The following INTS6 variants were observed in gnomAD, a reference collection of about 807,000 sequenced individuals.
INTS6 encodes DEAD box protein.
INTS6 carries 16 observed loss-of-function variants against 104.9 expected under a neutral mutation model. That is an observed-to-expected ratio of 0.15 (90% CI 0.10 to 0.23). The LOEUF is 0.23. Ranked by LOEUF, INTS6 falls within the 10% of genes least tolerant of loss-of-function variation. INTS6 has a pLI of 1.00. For missense variants in INTS6, 584 were observed against 1,062.8 expected (o/e 0.55, Z 6.26); for synonymous variants, 324 against 358.7 (o/e 0.90, Z 1.09).
chr13:51,441,504 T>C (rs1952796221), intron 3 of INTS6: 1 of 152,168 alleles, frequency 6.6e-6, no homozygotes. Flanking sequence ...TTCTGAATCT[T>C]AAGATATAAT....
intron 6 of INTS6, among the ~76,000 whole-genome samples, chr13:51,388,000 G>A (rs1035808441): frequency 4.6e-5 from 7 of 151,910 alleles, no homozygotes; most frequent in Admixed American, 6.6e-5. Context: ...CATTTTAACC[G>A]AAGCCTAAAA....
At chr13:51,431,399 G>C (rs1319546235) in intron 3 of INTS6, among the ~76,000 whole-genome samples, 1 of 152,072 alleles carries the variant, frequency 6.6e-6, no homozygotes, top group African/African-American at 2.4e-5. Flanking sequence ...TGCAATTTCT[G>C]ATTATGTCTG....
intron 10 of INTS6, among the ~76,000 whole-genome samples, chr13:51,381,701 G>GT (rs57189672): frequency 0.55 from 79,485 of 143,392 alleles, 21,908 homozygotes; most frequent in East Asian, 0.63. Flanking sequence ...CAAGTTTTTT[G>GT]TTTTTTTTTT....
Position 51,452,238 on chromosome 13 carries a change from G to C in INTS6, c.111+177C>G. On this transcript the variant is annotated intron_variant, in intron 1 of 17. Transcript: ENST00000311234. This position sits in a 1 kb window ranked among gnomAD's most constrained non-coding sequence, Gnocchi z 4.2. ...CACACCGCCCGGGGCCGGAGCCCGGGCCCCGGCCGAACCCGGCTCGCAGCG... is the reference window on the plus strand; with the variant it reads ...CACACCGCCCGGGGCCGGAGCCCGGCCCCCGGCCGAACCCGGCTCGCAGCG... The C allele has an allele frequency of 1.4e-6, 1 of 697,652 alleles. No individual in the cohort carries two copies. The highest frequency in any genetic ancestry group is 2.0e-6 in the Non-Finnish European group (1 of 512,634). The allele number at this position is 697,652 out of a possible 1,614,324, so 43.2% of individuals were successfully genotyped here. A position where few individuals can be genotyped will look rare whatever the true frequency, so the allele number is the denominator to read the frequency against.
chr13:51,344,430 T>C, the INTS6 span: 1 of 1,608,214 alleles, frequency 6.2e-7, no homozygotes, highest in East Asian at 2.2e-5. Flanking sequence ...CCGACCTCAG[T>C]GAGCCCAATA....
At position 51,452,118 on chromosome 13, in the gene INTS6, G is replaced by C; in HGVS notation, c.112-63C>G. The C allele has an allele frequency of 6.7e-7, 1 of 1,492,776 alleles. No individual in the cohort carries two copies. The highest frequency in any genetic ancestry group is 9.2e-7 in the Non-Finnish European group (1 of 1,081,612). The allele number at this position is 1,492,776 out of a possible 1,614,324, so 92.5% of individuals were successfully genotyped here. Reference sequence around the variant, plus strand: ...AAGCACAGAGGCGAGGTTACGAGGCGGAGAAGGGGCGCCCAGCGGCCCCGC... The same window carrying C: ...AAGCACAGAGGCGAGGTTACGAGGCCGAGAAGGGGCGCCCAGCGGCCCCGC... On this transcript the variant is annotated intron_variant, in intron 1 of 17. Coordinates refer to ENST00000311234, the MANE Select transcript of INTS6 (RefSeq NM_012141.3). The surrounding 1 kb of genome is among the most constrained non-coding windows in gnomAD (Gnocchi z 4.2).
chr13:51,387,377 G>A lies in INTS6; in HGVS notation c.894+9C>T. Reference sequence around the variant, plus strand: ...TTACTATTACATAGTTACAGTCTCTGGTACTTACTAGTGTTGGCGAATTTT... The same window carrying A: ...TTACTATTACATAGTTACAGTCTCTAGTACTTACTAGTGTTGGCGAATTTT... On this transcript the variant is annotated intron_variant, in intron 7 of 17. Coordinates refer to ENST00000311234, the MANE Select transcript of INTS6 (RefSeq NM_012141.3). 1 of 1,606,074 alleles carries A rather than the reference G, an allele frequency of 6.2e-7. No individual in the cohort carries two copies. Among genetic ancestry groups the A allele is most frequent in the Non-Finnish European group, 8.5e-7 (1 of 1,176,182 alleles).
intron 4 of INTS6, among the ~76,000 whole-genome samples, chr13:51,397,822 C>T (rs529404616): frequency 2.0e-5 from 3 of 152,128 alleles, no homozygotes; most frequent in East Asian, 3.9e-4. Context: ...GGACCACACA[C>T]ACACACACAC....
At chr13:51,440,428 AT>A (rs1952774227) in intron 3 of INTS6, 1 of 152,164 alleles carries the variant, frequency 6.6e-6, no homozygotes, top group Admixed American at 6.5e-5. Flanking sequence ...TTAATTTATT[AT>A]TGGAGAAAAT....
chr13:51,408,319 A>G (rs990608722), intron 4 of INTS6, among the ~76,000 whole-genome samples: 5 of 151,732 alleles, frequency 3.3e-5, no homozygotes, highest in Non-Finnish European at 7.4e-5. Context: ...AACTTTTTGT[A>G]TTTTTAGTAG....
intron 16 of INTS6, among the ~76,000 whole-genome samples, chr13:51,368,581 T>C (rs955949015): frequency 3.3e-5 from 5 of 152,200 alleles, no homozygotes; most frequent in Admixed American, 6.5e-5. Context: ...GTAGGCACTA[T>C]GACAAGAACT....
intron 4 of INTS6, among the ~76,000 whole-genome samples, chr13:51,408,463 G>A (rs1437436002): frequency 6.6e-6 from 1 of 152,080 alleles, no homozygotes; most frequent in Non-Finnish European, 1.5e-5. Flanking sequence ...TTATTAATAA[G>A]TCAGAAAGTT....
At chr13:51,391,201 GT>G (rs1157162193) in intron 5 of INTS6, among the ~76,000 whole-genome samples, 3 of 152,018 alleles carry the variant, frequency 2.0e-5, no homozygotes, top group Non-Finnish European at 4.4e-5. Flanking sequence ...AATATTAGAA[GT>G]TTACATAAAG....
the INTS6 span, among the ~76,000 whole-genome samples, chr13:51,347,963 C>G: frequency 4.6e-5 from 7 of 152,208 alleles, no homozygotes; most frequent in Admixed American, 2.6e-4. Context: ...TCGTCCCCCC[C>G]CCCATACCCA....
At chr13:51,354,800 A>G (rs1472762593) in intron 3 of INTS6, among the ~76,000 whole-genome samples, 1 of 152,172 alleles carries the variant, frequency 6.6e-6, no homozygotes, top group African/African-American at 2.4e-5. Flanking sequence ...ATAATAACTA[A>G]AAGACAATCA....
At chr13:51,445,979 TA>T (rs1952908452) in intron 3 of INTS6, 1 of 152,162 alleles carries the variant, frequency 6.6e-6, no homozygotes, top group Non-Finnish European at 1.5e-5. Flanking sequence ...ATAAAACTCT[TA>T]AAACACAGGA....
At chr13:51,435,938 T>TTATA (rs1957178702) in intron 3 of INTS6, among the ~76,000 whole-genome samples, 1 of 152,092 alleles carries the variant, frequency 6.6e-6, no homozygotes, top group Non-Finnish European at 1.5e-5. Context: ...CCTAACATGC[T>TTATA]TATATTTAAA....
chr13:51,451,832 A>G, intron 2 of INTS6, 146 bp downstream of exon 2: 1 of 409,694 alleles, frequency 2.4e-6, no homozygotes, highest in Non-Finnish European at 4.3e-6. Context: ...AGGGGGTGGG[A>G]GCCCGCAGGG....
intron 2 of INTS6, 111 bp from the exon 3 acceptor site, chr13:51,451,285 T>G: frequency 4.6e-6 from 4 of 863,952 alleles, no homozygotes; most frequent in Non-Finnish European, 6.7e-6. Context: ...TTGGTTTGGC[T>G]TGGTTAACGT....
Sources: gnomAD v4.1 joint callset for allele counts (sites outside exome capture counted in the v4.1 genomes callset) on GRCh38, gnomAD v4.1.1 for gene constraint, Gnocchi (gnomAD v3.1) non-coding constraint, MANE v1.5 for transcripts, NCBI Gene and HGNC (gene_info 2026-07-23, HGNC 2026-07-21) for gene names.